The following SOX5 variants were observed in gnomAD, a reference collection of about 807,000 sequenced individuals.
SOX5 encodes the protein SRY-box transcription factor 5.
SOX5 carries 9 observed loss-of-function variants against 92.0 expected under a neutral mutation model. The ratio of observed to expected loss-of-function variants is 0.10; its 90% CI spans 0.06 to 0.17. The LOEUF (loss-of-function observed/expected upper bound fraction) is 0.17. Among genes scored for constraint, SOX5 ranks in the 10% least tolerant of loss-of-function variants. The probability of loss-of-function intolerance (pLI) is 1.00; values close to 1 mark genes in which losing one functional copy is unlikely to be tolerated. For synonymous variants in SOX5, 344 were observed against 336.3 expected, an observed-to-expected ratio of 1.02 and a Z score of -0.25; for missense variants, 642 against 944.5, an observed-to-expected ratio of 0.68 and a Z score of 4.20.
At chr12:24,131,987 C>T (rs973847444) in intron 4 of SOX5, among the ~76,000 whole-genome samples, 10 of 152,240 alleles carry the variant, frequency 6.6e-5, no homozygotes, top group South Asian at 2.1e-4. Context: ...TCAAGGAGCA[C>T]GACCACATCC....
At chr12:23,808,997 G>A (rs954124175) in intron 3 of SOX5, among the ~76,000 whole-genome samples, 38 of 152,086 alleles carry the variant, frequency 2.5e-4, no homozygotes, top group African/African-American at 8.0e-4. Flanking sequence ...CATCATATAC[G>A]TTGTAATATT....
At chr12:23,718,595 T>G (rs2092639618) in intron 6 of SOX5, among the ~76,000 whole-genome samples, 1 of 152,220 alleles carries the variant, frequency 6.6e-6, no homozygotes, top group Non-Finnish European at 1.5e-5. Flanking sequence ...TGATTTTGAT[T>G]TTTCTAAAGC....
At chr12:24,324,144 A>G (rs1473775385) in intron 2 of SOX5, among the ~76,000 whole-genome samples, 1 of 152,148 alleles carries the variant, frequency 6.6e-6, no homozygotes, top group Non-Finnish European at 1.5e-5. Context: ...TTTATTTCAA[A>G]CGTCATTTTG....
At chr12:23,963,580 C>T (rs1213552284) in intron 4 of SOX5, among the ~76,000 whole-genome samples, 2 of 151,994 alleles carry the variant, frequency 1.3e-5, no homozygotes, top group Non-Finnish European at 2.9e-5. Context: ...CTTTAGAGAG[C>T]ATTCAGGGAT....
chr12:24,176,510 T>C (rs1008613601), intron 4 of SOX5, among the ~76,000 whole-genome samples: 2 of 152,184 alleles, frequency 1.3e-5, no homozygotes, highest in African/African-American at 4.8e-5. Context: ...ATTGGCCACA[T>C]GTGAATGTCA....
chr12:24,145,597 A>G (rs1170962560), intron 4 of SOX5, among the ~76,000 whole-genome samples: 1 of 152,184 alleles, frequency 6.6e-6, no homozygotes, highest in African/African-American at 2.4e-5. Context: ...CCCAGGCTCA[A>G]GAAATCCTCC....
chr12:24,426,778 C>T (rs1426245741), intron 1 of SOX5, among the ~76,000 whole-genome samples: 1 of 152,160 alleles, frequency 6.6e-6, no homozygotes, highest in Admixed American at 6.5e-5. Context: ...AGTTGCAGTA[C>T]ACTACTAAGT....
At chr12:23,990,776 A>G (rs2136255468) in intron 4 of SOX5, among the ~76,000 whole-genome samples, 1 of 152,244 alleles carries the variant, frequency 6.6e-6, no homozygotes, top group Admixed American at 6.5e-5. Flanking sequence ...AACACTGTTA[A>G]GCACCTACCC....
At chr12:23,950,353 A>T (rs1049521468), upstream of SOX5, among the ~76,000 whole-genome samples, 1 of 152,032 alleles carries the variant, frequency 6.6e-6, no homozygotes, top group African/African-American at 2.4e-5. Context: ...AATATAGCAG[A>T]GGCCCCTTCA....
intron 2 of SOX5, among the ~76,000 whole-genome samples, chr12:24,342,051 A>G (rs544023987): frequency 7.2e-5 from 11 of 152,348 alleles, no homozygotes; most frequent in African/African-American, 2.2e-4. Context: ...GAGTATCTAC[A>G]ATTAGCTTAA....
chr12:24,534,213 TG>T (rs1357717613), intron 1 of SOX5, among the ~76,000 whole-genome samples: 1 of 151,774 alleles, frequency 6.6e-6, no homozygotes, highest in Non-Finnish European at 1.5e-5. Context: ...GCAATTCAAA[TG>T]GGACAAAAGC....
At chr12:24,325,428 A>G (rs961430716) in intron 2 of SOX5, among the ~76,000 whole-genome samples, 3 of 152,160 alleles carry the variant, frequency 2.0e-5, no homozygotes, top group African/African-American at 7.2e-5. Context: ...ATAGTTGCAT[A>G]AAGAAAATAG....
intron 1 of SOX5, among the ~76,000 whole-genome samples, chr12:24,413,405 A>G (rs1964466713): frequency 6.6e-6 from 1 of 152,160 alleles, no homozygotes; most frequent in African/African-American, 2.4e-5. Context: ...CATGATACAT[A>G]TTTTTCCATT....
At chr12:23,941,649 A>T (rs111268917) in intron 1 of SOX5, among the ~76,000 whole-genome samples, 1 of 151,532 alleles carries the variant, frequency 6.6e-6, no homozygotes, top group African/African-American at 2.4e-5. Flanking sequence ...ATATAATAAT[A>T]GATAATGCTG....
chr12:24,060,410 T>C (rs1233973061), intron 4 of SOX5, among the ~76,000 whole-genome samples: 2 of 152,242 alleles, frequency 1.3e-5, no homozygotes, highest in African/African-American at 4.8e-5. Context: ...GCATGGGCTT[T>C]GGAATCAGAC....
intron 3 of SOX5, among the ~76,000 whole-genome samples, chr12:23,798,389 C>T (rs1189727955): frequency 6.6e-6 from 1 of 152,060 alleles, no homozygotes; most frequent in East Asian, 1.9e-4. Flanking sequence ...AGGGCACATA[C>T]TCTTTTAGTA....
intron 1 of SOX5, among the ~76,000 whole-genome samples, chr12:24,455,329 G>A (rs762565965): frequency 1.3e-5 from 2 of 152,144 alleles, no homozygotes; most frequent in Non-Finnish European, 2.9e-5. Flanking sequence ...CAAAGTGGCT[G>A]ATTTTCTAGG....
intron 2 of SOX5, among the ~76,000 whole-genome samples, chr12:24,335,429 T>G (rs1015195218): frequency 1.2e-4 from 19 of 152,210 alleles, no homozygotes; most frequent in African/African-American, 4.3e-4. Flanking sequence ...AGGTACTAAG[T>G]GCAGCACACA....
At chr12:24,227,397 AC>A (rs1271866995) in intron 3 of SOX5, 1 of 152,210 alleles carries the variant, frequency 6.6e-6, no homozygotes, top group Non-Finnish European at 1.5e-5. Context: ...GGTGAAATTT[AC>A]CTTTTCTAAG....
Sources: gnomAD v4.1 joint callset for allele counts (sites outside exome capture counted in the v4.1 genomes callset) on GRCh38, gnomAD v4.1.1 for gene constraint, MANE v1.5 for transcripts, NCBI Gene and HGNC (gene_info 2026-07-23, HGNC 2026-07-21) for gene names.